ANTXR1: variants seen among roughly 807,000 people sequenced by gnomAD.
ANTXR1 encodes the protein anthrax toxin receptor 1.
Under a neutral mutation model 78.1 loss-of-function variants are expected in ANTXR1, and 19 were observed. The ratio of observed to expected loss-of-function variants is 0.24; its 90% CI spans 0.17 to 0.36. The LOEUF is 0.36. Ranked by LOEUF, ANTXR1 falls within the 10% of genes least tolerant of loss-of-function variation. The pLI, the probability that ANTXR1 is intolerant of heterozygous loss-of-function variation, is 1.00. For missense variants in ANTXR1, 518 were observed against 718.6 expected, an observed-to-expected ratio of 0.72 and a Z score of 3.19; for synonymous variants, 273 against 260.5, an observed-to-expected ratio of 1.05 and a Z score of -0.46.
intron 17 of ANTXR1, among the ~76,000 whole-genome samples, chr2:69,219,423 C>CACACACACACACACACA (rs1675264039): frequency 1.9e-5 from 1 of 53,948 alleles, no homozygotes; most frequent in Admixed American, 1.9e-4. Context: ...ACACACACAC[C>CACACACACACACACACA]CTACTGATGA....
At chr2:69,107,598 A>G (rs558429515) in intron 10 of ANTXR1, among the ~76,000 whole-genome samples, 1 of 152,188 alleles carries the variant, frequency 6.6e-6, no homozygotes, top group Admixed American at 6.5e-5. Context: ...TAAAAAAAAA[A>G]ACTGGACAAA....
chr2:69,074,918 C>G (rs1670682971), intron 6 of ANTXR1, among the ~76,000 whole-genome samples: 1 of 152,118 alleles, frequency 6.6e-6, no homozygotes, highest in Non-Finnish European at 1.5e-5. Flanking sequence ...TTTAATAAAT[C>G]AAATATTGAA....
chr2:69,023,946 T>C (rs1459918818), intron 1 of ANTXR1, among the ~76,000 whole-genome samples: 2 of 152,184 alleles, frequency 1.3e-5, no homozygotes, highest in Non-Finnish European at 2.9e-5. Context: ...GGAAATAATC[T>C]GGAAAGAGTT....
At chr2:69,195,515 G>A (rs1674648881) in intron 17 of ANTXR1, among the ~76,000 whole-genome samples, 1 of 152,180 alleles carries the variant, frequency 6.6e-6, no homozygotes, top group Non-Finnish European at 1.5e-5. Context: ...AAGTAAAAAC[G>A]TGAAACCAGC....
chr2:69,234,050 C>G (rs1223977752), intron 17 of ANTXR1, among the ~76,000 whole-genome samples: 2 of 151,940 alleles, frequency 1.3e-5, no homozygotes, highest in Non-Finnish European at 2.9e-5. Context: ...ATATAAAAGG[C>G]CATTTTCTCC....
chr2:69,206,634 A>C (rs746395826), intron 17 of ANTXR1, among the ~76,000 whole-genome samples: 4 of 152,200 alleles, frequency 2.6e-5, no homozygotes, highest in South Asian at 2.1e-4. Context: ...GTCCCACCAC[A>C]TCTGTAGGCC....
intron 10 of ANTXR1, among the ~76,000 whole-genome samples, chr2:69,108,870 G>A (rs1194370467): frequency 1.3e-5 from 2 of 152,066 alleles, no homozygotes; most frequent in Non-Finnish European, 2.9e-5. Context: ...ATCACTGACG[G>A]GCAGACAAAT....
chr2:69,211,177 G>T (rs1003396386), intron 17 of ANTXR1, among the ~76,000 whole-genome samples: 2 of 152,164 alleles, frequency 1.3e-5, no homozygotes, highest in African/African-American at 4.8e-5. Flanking sequence ...TTGCCAGTCA[G>T]CAAAAGTTTA....
chr2:69,194,331 G>A (rs1057002374), intron 17 of ANTXR1, among the ~76,000 whole-genome samples: 3 of 152,148 alleles, frequency 2.0e-5, no homozygotes, highest in Admixed American at 2.0e-4. Context: ...TTGGGAATCA[G>A]GCACATTAAT....
At chr2:69,146,046 T>C (rs1673217843) in intron 12 of ANTXR1, 2 of 985,474 alleles carry the variant, frequency 2.0e-6, no homozygotes. Flanking sequence ...GATTTGGCCA[T>C]TCAAGCCGGG....
chr2:69,081,174 G>A (rs1670888204), intron 8 of ANTXR1, among the ~76,000 whole-genome samples: 1 of 152,244 alleles, frequency 6.6e-6, no homozygotes, highest in Non-Finnish European at 1.5e-5. Context: ...AAACTGAGGT[G>A]CAAGAAGGTT....
At chr2:69,227,198 A>G (rs576694228) in intron 17 of ANTXR1, among the ~76,000 whole-genome samples, 2 of 152,312 alleles carry the variant, frequency 1.3e-5, no homozygotes, top group East Asian at 3.9e-4. Context: ...TCTGTCTGAC[A>G]TCAGCCAGAA....
chr2:69,104,557 C>G (rs933916639), intron 10 of ANTXR1, among the ~76,000 whole-genome samples: 1 of 152,090 alleles, frequency 6.6e-6, no homozygotes. Flanking sequence ...TCTTTTTTCT[C>G]CCTGTCAATT....
At chr2:69,226,840 A>G (rs1163445363) in intron 17 of ANTXR1, among the ~76,000 whole-genome samples, 1 of 152,108 alleles carries the variant, frequency 6.6e-6, no homozygotes, top group East Asian at 1.9e-4. Flanking sequence ...TTTAACATAT[A>G]TATTTTTTTT....
rs184436025 is a variant in ANTXR1, at chr2:69,037,869, G to C, written c.153-2175G>C. Among the ~76,000 whole-genome samples, 102 of 152,184 alleles carry C rather than the reference G, an allele frequency of 6.7e-4. 1 individual carries two copies. The highest frequency in any genetic ancestry group is 7.8e-4 in the Admixed American group (12 of 15,290). On this transcript the variant is annotated intron_variant, in intron 1 of 17. Transcript: ENST00000303714. ...GCTGAGTAAGCAGAATAGACAAAGGGGTGCTTTTGACAGGAGGGGACCCTG... is the reference window on the plus strand; with the variant it reads ...GCTGAGTAAGCAGAATAGACAAAGGCGTGCTTTTGACAGGAGGGGACCCTG...
chr2:69,181,704 A>C (rs1017352330), intron 14 of ANTXR1, 82 bp from the exon 15 acceptor site: 29 of 1,312,468 alleles, frequency 2.2e-5, no homozygotes, highest in Non-Finnish European at 3.0e-5. Flanking sequence ...TATAAGCTCT[A>C]CTCCTAATCA....
rs1350407578 is a variant in ANTXR1 at position 69,245,958 on chromosome 2, G to C, written c.*473G>C. 1 of 154,198 alleles carries C rather than the reference G, an allele frequency of 6.5e-6. No homozygotes were observed. Among genetic ancestry groups the C allele is most frequent in the East Asian group, 1.9e-4 (1 of 5,218 alleles). 9.6% of individuals were successfully genotyped at this position (154,198 alleles called of 1,614,324 possible). On this transcript the variant is annotated 3_prime_UTR_variant, in exon 18 of 18. Transcript: ENST00000303714. ...ACCCCTGTGCACCACCCAAGAAAGA[G>C]GAAAACTTTGCCTACAACTTTGGAA...
chr2:69,042,789 G>A lies in ANTXR1; in HGVS notation c.225-1953G>A, dbSNP rs1052726287. 8.0e-4 allele frequency among the ~76,000 whole-genome samples: 122 copies of A among 152,098 alleles called. 2 individuals are homozygous for A. The highest frequency in any genetic ancestry group is 7.9e-3 in the Admixed American group (120 of 15,268). On this transcript the variant is annotated intron_variant, in intron 2 of 17. Transcript: ENST00000303714. Reference sequence around the variant, plus strand: ...CAAGGTCTCACCCAGGGATGACCCAGAGGAAAAATCCAGGAGCACTCTGCA... The same window carrying A: ...CAAGGTCTCACCCAGGGATGACCCAAAGGAAAAATCCAGGAGCACTCTGCA...
intron 12 of ANTXR1, chr2:69,146,425 T>G: frequency 1.0e-6 from 1 of 959,384 alleles, no homozygotes; most frequent in African/African-American, 1.8e-5. Flanking sequence ...CTTAGGCTAT[T>G]GAGAAAATAA....
Sources: gnomAD v4.1 joint callset for allele counts (sites outside exome capture counted in the v4.1 genomes callset) on GRCh38, gnomAD v4.1.1 for gene constraint, MANE v1.5 for transcripts, NCBI Gene and HGNC (gene_info 2026-07-23, HGNC 2026-07-21) for gene names.